The following CDK8 variants were observed in gnomAD, a reference collection of about 807,000 sequenced individuals.
CDK8 encodes the protein cyclin-dependent kinase 8.
CDK8 carries 29 observed loss-of-function variants against 71.5 expected under a neutral mutation model. The observed-to-expected ratio is 0.41, with a 90% CI of 0.30 to 0.55. The LOEUF (loss-of-function observed/expected upper bound fraction) is 0.55. Ranked by LOEUF, CDK8 falls within the 20% of genes least tolerant of loss-of-function variation. The pLI is 0.37. For synonymous variants in CDK8, 161 were observed against 192.1 expected (o/e 0.84, Z 1.34); for missense variants, 288 against 572.6 (o/e 0.50, Z 5.07).
chr13:26,404,390 G>A lies in CDK8; in HGVS notation c.*309G>A. 3.3e-6 allele frequency: 1 copy of A among 303,440 alleles called. No homozygotes were observed. Among genetic ancestry groups the A allele is most frequent in the Admixed American group, 4.6e-5 (1 of 21,810 alleles). 18.8% of individuals were successfully genotyped at this position (303,440 alleles called of 1,614,324 possible). On this transcript the variant is annotated 3_prime_UTR_variant, in exon 13 of 13. Transcript: ENST00000381527. ...TCAGTGACAGTCTGTAGCAGTTGAAGCTGTGAATGTGCTAGGGGCAAGCAT... is the reference window on the plus strand; with the variant it reads ...TCAGTGACAGTCTGTAGCAGTTGAAACTGTGAATGTGCTAGGGGCAAGCAT...
intron 4 of CDK8, among the ~76,000 whole-genome samples, chr13:26,378,608 A>G (rs1487677990): frequency 6.6e-6 from 1 of 152,224 alleles, no homozygotes; most frequent in African/African-American, 2.4e-5. Flanking sequence ...CCATGATATT[A>G]TAATTTAAGT....
rs1871427198 is a variant in CDK8 at position 26,254,545 on chromosome 13, G to T, written c.-97G>T. 3 of 1,051,176 alleles carry T rather than the reference G, an allele frequency of 2.9e-6. No individual in the cohort carries two copies. The highest frequency in any genetic ancestry group is 4.1e-6 in the Non-Finnish European group (3 of 735,402). 65.1% of individuals were successfully genotyped at this position (1,051,176 alleles called of 1,614,324 possible). A position where few individuals can be genotyped will look rare whatever the true frequency, so the allele number is the denominator to read the frequency against. On this transcript the variant is annotated 5_prime_UTR_variant, in exon 1 of 13. Coordinates refer to ENST00000381527, the MANE Select transcript of CDK8 (RefSeq NM_001260.3). This position sits in a 1 kb window ranked among gnomAD's most constrained non-coding sequence, Gnocchi z 6.7. ...GCTGCGGCCGGCGGGCGTAGAGCGG[G>T]CGGGTTCCCGGGGGCTGCGGCTGCC...
intron 1 of CDK8, among the ~76,000 whole-genome samples, chr13:26,280,971 CTG>C (rs1442609810): frequency 6.6e-6 from 1 of 152,266 alleles, no homozygotes; most frequent in African/African-American, 2.4e-5. Flanking sequence ...GCTGCAAATT[CTG>C]TGAGACCGGC....
chr13:26,374,409 A>G (rs1874850471), intron 4 of CDK8, among the ~76,000 whole-genome samples: 1 of 152,172 alleles, frequency 6.6e-6, no homozygotes, highest in Admixed American at 6.5e-5. Flanking sequence ...TATATAAGAA[A>G]ATTAGCATAT....
intron 1 of CDK8, among the ~76,000 whole-genome samples, chr13:26,284,993 A>G (rs1231430794): frequency 2.0e-5 from 3 of 151,938 alleles, no homozygotes; most frequent in Non-Finnish European, 4.4e-5. Flanking sequence ...AATCCCAGCA[A>G]TTTGAAAGGC....
intron 6 of CDK8, among the ~76,000 whole-genome samples, chr13:26,386,186 C>T (rs1875468472): frequency 2.6e-5 from 4 of 152,206 alleles, no homozygotes; most frequent in Admixed American, 2.6e-4. Flanking sequence ...GTAATATCTT[C>T]ATCACTTTGT....
At chr13:26,335,208 A>G (rs1593270799) in intron 1 of CDK8, among the ~76,000 whole-genome samples, 1 of 152,052 alleles carries the variant, frequency 6.6e-6, no homozygotes, top group South Asian at 2.1e-4. Flanking sequence ...TGTCTCATTC[A>G]CCCCTCAGCC....
chr13:26,326,559 T>G (rs889836319), intron 1 of CDK8, among the ~76,000 whole-genome samples: 3 of 152,342 alleles, frequency 2.0e-5, no homozygotes, highest in African/African-American at 4.8e-5. Flanking sequence ...TCGTTCCTTT[T>G]GATCCAGAAG....
intron 7 of CDK8, 106 bp downstream of exon 7, chr13:26,393,616 T>G (rs2138063722): frequency 8.9e-7 from 1 of 1,124,888 alleles, no homozygotes; most frequent in Non-Finnish European, 1.3e-6. Context: ...CTACTTTTAC[T>G]TGAGTCTTTG....
At chr13:26,256,123 T>A (rs770855092) in intron 1 of CDK8, among the ~76,000 whole-genome samples, 8 of 152,110 alleles carry the variant, frequency 5.3e-5, no homozygotes, top group Non-Finnish European at 1.2e-4. Flanking sequence ...CGGCAGAAGG[T>A]AGGGATTTGG....
chr13:26,277,198 A>T (rs1414392007), intron 1 of CDK8, among the ~76,000 whole-genome samples: 1 of 152,164 alleles, frequency 6.6e-6, no homozygotes, highest in African/African-American at 2.4e-5. Flanking sequence ...TTTTCCCCCA[A>T]TTGATGATGT....
At chr13:26,256,149 A>G (rs1016298478) in intron 1 of CDK8, among the ~76,000 whole-genome samples, 6 of 152,178 alleles carry the variant, frequency 3.9e-5, no homozygotes, top group African/African-American at 1.4e-4. Flanking sequence ...AAAACTTGAT[A>G]TTCTGGGCGC....
At chr13:26,360,048 A>G (rs555711402) in intron 4 of CDK8, among the ~76,000 whole-genome samples, 8 of 152,302 alleles carry the variant, frequency 5.3e-5, no homozygotes, top group African/African-American at 1.9e-4. Flanking sequence ...TTTCAGTAGA[A>G]CTTCAAACTA....
chr13:26,336,623 G>A (rs1221786622), intron 1 of CDK8, among the ~76,000 whole-genome samples: 1 of 145,358 alleles, frequency 6.9e-6, no homozygotes, highest in Non-Finnish European at 1.5e-5. Context: ...GCGTGATCTC[G>A]GCTCACTGCA....
intron 1 of CDK8, among the ~76,000 whole-genome samples, chr13:26,313,426 A>G (rs1377707406): frequency 6.6e-6 from 1 of 152,210 alleles, no homozygotes; most frequent in Non-Finnish European, 1.5e-5. Context: ...GTCGAGTTGA[A>G]TGTGAAATAG....
intron 1 of CDK8, among the ~76,000 whole-genome samples, chr13:26,259,453 G>T (rs550319173): frequency 6.6e-6 from 1 of 152,222 alleles, no homozygotes; most frequent in South Asian, 2.1e-4. Context: ...TAAAGTGTGT[G>T]GGAGGATATG....
chr13:26,399,792 G>C (rs1221796246), intron 9 of CDK8, among the ~76,000 whole-genome samples: 9 of 152,196 alleles, frequency 5.9e-5, no homozygotes, highest in Admixed American at 4.6e-4. Context: ...AAAATATTAA[G>C]GTAACTTATC....
intron 1 of CDK8, among the ~76,000 whole-genome samples, chr13:26,303,140 T>C (rs1196042875): frequency 6.6e-6 from 1 of 152,084 alleles, no homozygotes; most frequent in Non-Finnish European, 1.5e-5. Flanking sequence ...ATTTTTTTCT[T>C]TTTTATCTCC....
chr13:26,310,951 C>G (rs1323293424), intron 1 of CDK8, among the ~76,000 whole-genome samples: 1 of 152,064 alleles, frequency 6.6e-6, no homozygotes, highest in Non-Finnish European at 1.5e-5. Flanking sequence ...TGCCCTCCTC[C>G]CTACCCACCC....
Sources: gnomAD v4.1 joint callset for allele counts (sites outside exome capture counted in the v4.1 genomes callset) on GRCh38, gnomAD v4.1.1 for gene constraint, Gnocchi (gnomAD v3.1) non-coding constraint, MANE v1.5 for transcripts, NCBI Gene and HGNC (gene_info 2026-07-23, HGNC 2026-07-21) for gene names.